The following NAP1L4 variants were observed in gnomAD, a reference collection of about 807,000 sequenced individuals.
The protein encoded by NAP1L4 is nucleosome assembly protein 1-like 4.
A neutral mutation model predicts 58.2 loss-of-function variants in NAP1L4; 15 were observed. That is an observed-to-expected ratio of 0.26 (90% CI 0.17 to 0.40). The LOEUF (loss-of-function observed/expected upper bound fraction) is 0.40, where lower values mean the gene tolerates loss of function less well. Among genes scored for constraint, NAP1L4 ranks in the 10% least tolerant of loss-of-function variants. The pLI, the probability that NAP1L4 is intolerant of heterozygous loss-of-function variation, is 1.00. For missense variants in NAP1L4, 384 were observed against 451.1 expected (o/e 0.85, Z 1.35); for synonymous variants, 171 against 155.6 (o/e 1.10, Z -0.74).
chr11:2,972,698 G>A (rs999959236), intron 4 of NAP1L4, among the ~76,000 whole-genome samples: 2 of 152,208 alleles, frequency 1.3e-5, no homozygotes, highest in African/African-American at 2.4e-5. Flanking sequence ...AAGGCTGGGC[G>A]CAGTGGCTCA....
Position 2,959,875 on chromosome 11 carries a change from T to C in NAP1L4, c.641A>G (p.Asp214Gly). ...FVLEFHFEPN[D>G]YFTNSVLTKT... is the part of the protein sequence containing the mutation. ...TGTCAGGACTGAGTTGGTAAAGTAGTCGTTGGGTTCAAAGTGGAACTCTAA... is the reference window on the plus strand; with the variant it reads ...TGTCAGGACTGAGTTGGTAAAGTAGCCGTTGGGTTCAAAGTGGAACTCTAA... Residue 214 changes from aspartate to glycine, a missense_variant, in exon 9 of 16, where the codon GAC (aspartate) becomes GGC (glycine). This residue lies in a region of NAP1L4 where 296 missense variants were observed against 360.8 expected (regional missense o/e 0.82). Transcript: ENST00000380542. The surrounding 1 kb of genome is among the most constrained non-coding windows in gnomAD (Gnocchi z 4.9). 1 of 1,614,208 alleles carries C rather than the reference T, an allele frequency of 6.2e-7. No individual in the cohort carries two copies. Among genetic ancestry groups the C allele is most frequent in the Non-Finnish European group, 8.5e-7 (1 of 1,180,028 alleles).
In NAP1L4 at chr11:2,949,476, C is replaced by T. The variant is rs1351123306; in HGVS notation, c.1123-212G>A. 6.6e-6 allele frequency among the ~76,000 whole-genome samples: 1 copy of T among 152,186 alleles called. No individual in the cohort carries two copies. Among genetic ancestry groups the T allele is most frequent in the Non-Finnish European group, 1.5e-5 (1 of 68,044 alleles). Reference sequence around the variant, plus strand: ...ATCAGACTGCTCCCAATACTAAAACCTCCCTTCCTTCCTTGTTTTCTTTTG... The same window carrying T: ...ATCAGACTGCTCCCAATACTAAAACTTCCCTTCCTTCCTTGTTTTCTTTTG... On this transcript the variant is annotated intron_variant, in intron 14 of 15. Transcript: ENST00000380542. This position sits in a 1 kb window ranked among gnomAD's most constrained non-coding sequence, Gnocchi z 4.0.
chr11:2,990,256 G>A (rs1236110588), intron 1 of NAP1L4: 1 of 152,114 alleles, frequency 6.6e-6, no homozygotes, highest in Non-Finnish European at 1.5e-5. Context: ...GCAGTAACGT[G>A]TTAAAATGGT....
intron 14 of NAP1L4, among the ~76,000 whole-genome samples, chr11:2,950,051 C>A (rs1431429355): frequency 6.6e-6 from 1 of 152,242 alleles, no homozygotes; most frequent in Non-Finnish European, 1.5e-5. Context: ...CAGTGATGGG[C>A]AGCATTTATT....
chr11:2,959,672 G>T lies in NAP1L4; in HGVS notation c.746+98C>A. On this transcript the variant is annotated intron_variant, in intron 9 of 15. Transcript: ENST00000380542. This position sits in a 1 kb window ranked among gnomAD's most constrained non-coding sequence, Gnocchi z 4.9. ...CTTTTAGGCTTTTAAGCAGACTCAA[G>T]ACTGTACTTTATTCCTTACTTCTAT... is the stretch of plus-strand genomic sequence containing the variant. 4.9e-6 allele frequency: 7 copies of T among 1,424,942 alleles called. No homozygotes were observed. Among genetic ancestry groups the T allele is most frequent in the Non-Finnish European group, 5.8e-6 (6 of 1,035,798 alleles). 88.3% of individuals were successfully genotyped at this position (1,424,942 alleles called of 1,614,324 possible). A position where few individuals can be genotyped will look rare whatever the true frequency, so the allele number is the denominator to read the frequency against.
In NAP1L4 at chr11:2,978,441, T is replaced by C. The variant is rs16928978; in HGVS notation, c.15-99A>G. ...CTTATTCAATATATTAAGAGGTATC[T>C]GTACAGTGACGTCAGATTTGGGCAG... On this transcript the variant is annotated intron_variant, in intron 2 of 15. Transcript: ENST00000380542. 3.5e-3 allele frequency: 3,904 copies of C among 1,120,808 alleles called. 85 individuals carry two copies. In the African/African-American group the frequency reaches 0.052, roughly 15 times the overall value. The allele number at this position is 1,120,808 out of a possible 1,614,324, so 69.4% of individuals were successfully genotyped here.
chr11:2,970,876 AAGTT>A (rs1847602799), intron 6 of NAP1L4, among the ~76,000 whole-genome samples: 1 of 151,752 alleles, frequency 6.6e-6, no homozygotes, highest in Non-Finnish European at 1.5e-5. Flanking sequence ...AAACTGCAAA[AAGTT>A]AGTTATAGGA....
intron 12 of NAP1L4, among the ~76,000 whole-genome samples, chr11:2,953,663 T>G: frequency 6.6e-6 from 1 of 152,220 alleles, no homozygotes; most frequent in East Asian, 1.9e-4. Flanking sequence ...TAACAGCTGA[T>G]AAAGAGCACG....
chr11:2,958,726 G>C (rs1846694252), intron 9 of NAP1L4, 182 bp from the exon 10 acceptor site: 1 of 607,546 alleles, frequency 1.6e-6, no homozygotes, highest in South Asian at 2.2e-5. Flanking sequence ...AAACAGCCTG[G>C]TCCTCTTTCA....
Position 2,959,883 on chromosome 11 carries a change from T to G in NAP1L4, c.633A>C (p.Glu211Asp). The G allele has an allele frequency of 6.2e-7, 1 of 1,614,134 alleles. No individual in the cohort carries two copies. The highest frequency in any genetic ancestry group is 1.1e-5 in the South Asian group (1 of 91,082). The change falls in exon 9 of 16, where the codon GAA becomes GAC. Residue 211 changes from glutamate (E) to aspartate (D), a missense_variant. Physicochemically the swap from Glu to Asp is conservative, Grantham distance 45 (BLOSUM62 2). Around this residue, in one of 3 missense-constraint regions of NAP1L4, gnomAD observed 296 missense variants for 360.8 expected, o/e 0.82. Coordinates refer to ENST00000380542, the MANE Select transcript of NAP1L4 (RefSeq NM_005969.4). The surrounding 1 kb of genome is among the most constrained non-coding windows in gnomAD (Gnocchi z 4.9). ...CTGAGTTGGTAAAGTAGTCGTTGGG[T>G]TCAAAGTGGAACTCTAACACAAAAG... ...PMSFVLEFHFEPNDYFTNSVL... is the reference protein window; with the variant it reads ...PMSFVLEFHFDPNDYFTNSVL...
Position 2,992,288 on chromosome 11 carries a change from C to T in NAP1L4, c.-52G>A, listed in dbSNP as rs1303298017. The stretch of plus-strand genomic sequence containing the variant: ...CCTGCGGCAGTGGCGGCGACCCTAG[C>T]TTCGCTCGCTTTGGGGCTGCGCCGC... On this transcript the variant is annotated 5_prime_UTR_variant, in exon 1 of 16. Coordinates refer to ENST00000380542, the MANE Select transcript of NAP1L4 (RefSeq NM_005969.4). 3 of 152,326 alleles carry T rather than the reference C, an allele frequency of 2.0e-5. No individual in the cohort carries two copies. The allele number at this position is 152,326 out of a possible 1,614,324, so 9.4% of individuals were successfully genotyped here.
Position 2,959,650 on chromosome 11 carries a change from T to C in NAP1L4, c.746+120A>G, listed in dbSNP as rs1564977366. 5 of 1,194,466 alleles carry C rather than the reference T, an allele frequency of 4.2e-6. No homozygotes were observed. The highest frequency in any genetic ancestry group is 3.5e-6 in the Non-Finnish European group (3 of 859,200). The allele number at this position is 1,194,466 out of a possible 1,614,324, so 74.0% of individuals were successfully genotyped here. On this transcript the variant is annotated intron_variant, in intron 9 of 15. Transcript: ENST00000380542. The surrounding 1 kb of genome is among the most constrained non-coding windows in gnomAD (Gnocchi z 4.9). Reference sequence around the variant, plus strand: ...ATTGAAATATACATCTACCAGGCTTTTAGGCTTTTAAGCAGACTCAAGACT... The same window carrying C: ...ATTGAAATATACATCTACCAGGCTTCTAGGCTTTTAAGCAGACTCAAGACT...
intron 1 of NAP1L4, among the ~76,000 whole-genome samples, chr11:2,986,898 G>T (rs2134025070): frequency 8.2e-6 from 1 of 122,190 alleles, no homozygotes; most frequent in African/African-American, 3.3e-5. Flanking sequence ...CAAAGTGCTG[G>T]GATTACAGGT....
At chr11:2,968,089 G>A (rs1357965654) in intron 7 of NAP1L4, among the ~76,000 whole-genome samples, 2 of 152,146 alleles carry the variant, frequency 1.3e-5, no homozygotes, top group Non-Finnish European at 2.9e-5. Flanking sequence ...GGGCCCATGA[G>A]CCAGACAGCC....
intron 1 of NAP1L4, among the ~76,000 whole-genome samples, chr11:2,984,158 C>A (rs1488872653): frequency 8.7e-6 from 1 of 114,618 alleles, no homozygotes. Flanking sequence ...CAGAGCAAGA[C>A]CCTGCCTCAA....
chr11:2,969,534 G>T (rs1192395842), intron 7 of NAP1L4, among the ~76,000 whole-genome samples: 1 of 152,130 alleles, frequency 6.6e-6, no homozygotes, highest in Non-Finnish European at 1.5e-5. Flanking sequence ...TTTACAAGAG[G>T]TAAAAGGAAC....
intron 4 of NAP1L4, among the ~76,000 whole-genome samples, chr11:2,975,077 C>G (rs1172595207): frequency 1.3e-5 from 2 of 151,676 alleles, no homozygotes; most frequent in East Asian, 3.9e-4. Flanking sequence ...GGGAAACCAG[C>G]TGGAAGGTGG....
At chr11:2,970,493 A>T (rs1465224824) in intron 6 of NAP1L4, among the ~76,000 whole-genome samples, 1 of 152,184 alleles carries the variant, frequency 6.6e-6, no homozygotes, top group Non-Finnish European at 1.5e-5. Context: ...CCAGCTTGTA[A>T]GGAAGTGGCT....
intron 1 of NAP1L4, among the ~76,000 whole-genome samples, chr11:2,983,202 G>A (rs1848428638): frequency 6.6e-6 from 1 of 152,104 alleles, no homozygotes; most frequent in South Asian, 2.1e-4. Context: ...GCCCCTAACA[G>A]TTCCTGGCAT....
Sources: gnomAD v4.1 joint callset for allele counts (sites outside exome capture counted in the v4.1 genomes callset) on GRCh38, gnomAD v4.1.1 for gene constraint, gnomAD v4.1.1 regional missense constraint, Gnocchi (gnomAD v3.1) non-coding constraint, MANE v1.5 for transcripts, NCBI Gene and HGNC (gene_info 2026-07-23, HGNC 2026-07-21) for gene names.